The following XPNPEP1 variants were observed in gnomAD, a reference collection of about 807,000 sequenced individuals.
XPNPEP1 encodes xaa-Pro aminopeptidase 1.
In XPNPEP1, 39 loss-of-function variants were observed where a neutral mutation model predicts 92.4. The ratio of observed to expected loss-of-function variants is 0.42; its 90% CI spans 0.33 to 0.55. The LOEUF is 0.55. Among genes scored for constraint, XPNPEP1 ranks in the 20% least tolerant of loss-of-function variants. The probability of loss-of-function intolerance (pLI) is 0.08; values close to 1 mark genes in which losing one functional copy is unlikely to be tolerated. For synonymous variants in XPNPEP1, 307 were observed against 299.4 expected (o/e 1.03, Z -0.26); for missense variants, 654 against 856.1 (o/e 0.76, Z 2.95).
intron 5 of XPNPEP1, 110 bp from the exon 6 acceptor site, chr10:109,888,705 G>T: frequency 1.2e-6 from 1 of 826,092 alleles, no homozygotes; most frequent in Non-Finnish European, 1.8e-6. Context: ...TTATTAAGCA[G>T]CTTCTTTAAA....
At chr10:109,921,083 G>A (rs545381452) in intron 1 of XPNPEP1, among the ~76,000 whole-genome samples, 7 of 152,302 alleles carry the variant, frequency 4.6e-5, no homozygotes, top group Admixed American at 3.3e-4. Context: ...GGTCTCCGCA[G>A]AGTCCAAGAT....
chr10:109,871,767 C>G (rs1334318009), intron 17 of XPNPEP1, 25 bp downstream of exon 17: 1 of 1,602,922 alleles, frequency 6.2e-7, no homozygotes, highest in Non-Finnish European at 8.5e-7. Context: ...AAAGAGCCTG[C>G]CATGTGACAG....
chr10:109,885,682 G>A (rs936445999), intron 8 of XPNPEP1, among the ~76,000 whole-genome samples: 2 of 152,206 alleles, frequency 1.3e-5, no homozygotes, highest in Admixed American at 1.3e-4. Flanking sequence ...GAAACCAGAA[G>A]ACAGGACAGG....
intron 3 of XPNPEP1, among the ~76,000 whole-genome samples, chr10:109,899,665 A>G (rs190285073): frequency 3.9e-4 from 59 of 152,388 alleles, no homozygotes; most frequent in African/African-American, 1.4e-3. Context: ...AGGAGAATGG[A>G]GTAGGGTCCA....
intron 17 of XPNPEP1, 44 bp from the exon 18 acceptor site, chr10:109,870,948 T>TTA: frequency 3.2e-6 from 5 of 1,574,270 alleles, no homozygotes; most frequent in Non-Finnish European, 4.3e-6. Flanking sequence ...GTACAGCGCT[T>TTA]TAGAGATTAA....
chr10:109,865,509 T>C (rs1388979861), intron 20 of XPNPEP1, among the ~76,000 whole-genome samples, 197 bp from the exon 21 acceptor site: 2 of 152,228 alleles, frequency 1.3e-5, no homozygotes, highest in African/African-American at 4.8e-5. Flanking sequence ...CCAGACTTCA[T>C]GGCTTCTGGT....
intron 12 of XPNPEP1, 30 bp from the exon 13 acceptor site, chr10:109,878,088 G>C (rs1847884025): frequency 6.2e-7 from 1 of 1,613,080 alleles, no homozygotes; most frequent in Non-Finnish European, 8.5e-7. Flanking sequence ...AAATCATCTG[G>C]TGAGATAAAT....
chr10:109,907,118 T>C (rs1849597039), intron 3 of XPNPEP1, among the ~76,000 whole-genome samples: 1 of 152,242 alleles, frequency 6.6e-6, no homozygotes, highest in Non-Finnish European at 1.5e-5. Flanking sequence ...ACTGTACTTA[T>C]AGATGATTCT....
chr10:109,905,036 TAA>T (rs530733705), intron 3 of XPNPEP1, among the ~76,000 whole-genome samples: 3 of 145,140 alleles, frequency 2.1e-5, no homozygotes, highest in Non-Finnish European at 4.6e-5. Context: ...ATGAACAGGT[TAA>T]AAAAAAAAAG....
At chr10:109,921,664 T>C in intron 1 of XPNPEP1, among the ~76,000 whole-genome samples, 1 of 152,248 alleles carries the variant, frequency 6.6e-6, no homozygotes, top group East Asian at 1.9e-4. Flanking sequence ...GTTGTCTTTG[T>C]CTACCCAGAA....
intron 20 of XPNPEP1, among the ~76,000 whole-genome samples, chr10:109,866,125 T>C (rs932981253): frequency 2.0e-5 from 3 of 152,206 alleles, no homozygotes; most frequent in African/African-American, 7.2e-5. Flanking sequence ...TGGAAGCTGA[T>C]GAGACTGATA....
chr10:109,884,226 T>G, intron 8 of XPNPEP1, 78 bp from the exon 9 acceptor site: 1 of 1,405,982 alleles, frequency 7.1e-7, no homozygotes, highest in Non-Finnish European at 9.9e-7. Context: ...AGGGAAGAGC[T>G]TCAGCTTGGA....
intron 7 of XPNPEP1, among the ~76,000 whole-genome samples, chr10:109,887,489 A>C (rs1848456574): frequency 6.6e-6 from 1 of 151,966 alleles, no homozygotes. Flanking sequence ...CTACAGCAAG[A>C]CGCCCTCCCC....
At chr10:109,899,306 G>T (rs923039698) in intron 3 of XPNPEP1, among the ~76,000 whole-genome samples, 2 of 152,168 alleles carry the variant, frequency 1.3e-5, no homozygotes, top group Non-Finnish European at 2.9e-5. Context: ...GTGGGTGAGA[G>T]GTGATACCTG....
chr10:109,921,815 C>A (rs1850558252), intron 1 of XPNPEP1, among the ~76,000 whole-genome samples: 1 of 152,170 alleles, frequency 6.6e-6, no homozygotes. Context: ...CTCCCTCTGG[C>A]CATAATGATT....
chr10:109,893,022 ATCG>A lies in XPNPEP1; in HGVS notation c.297_299del (p.Asp100del). The A allele has an allele frequency of 6.2e-7, 1 of 1,613,762 alleles. No individual in the cohort carries two copies. Among genetic ancestry groups the A allele is most frequent in the Non-Finnish European group, 8.5e-7 (1 of 1,179,868 alleles). The stretch of plus-strand genomic sequence containing the variant: ...AAAGTAGTGACTCACCCGCAGAGCC[ATCG>A]AATCCAGAGACAAAAGCCCGCCGAC... On this transcript the variant is annotated inframe_deletion, in exon 4 of 21. Coordinates refer to ENST00000502935, the MANE Select transcript of XPNPEP1 (RefSeq NM_020383.4).
intron 1 of XPNPEP1, among the ~76,000 whole-genome samples, chr10:109,922,006 G>A (rs1250079750): frequency 6.6e-6 from 1 of 152,230 alleles, no homozygotes; most frequent in African/African-American, 2.4e-5. Flanking sequence ...TCAGAGCCAA[G>A]AGATGATAAA....
chr10:109,902,522 A>G (rs905175195), intron 3 of XPNPEP1, among the ~76,000 whole-genome samples: 1 of 152,236 alleles, frequency 6.6e-6, no homozygotes, highest in Non-Finnish European at 1.5e-5. Context: ...CATTTGCCCC[A>G]GACCTAGCCC....
At chr10:109,897,966 T>A (rs890602214) in intron 3 of XPNPEP1, among the ~76,000 whole-genome samples, 2 of 152,196 alleles carry the variant, frequency 1.3e-5, no homozygotes, top group African/African-American at 4.8e-5. Flanking sequence ...AGGTCTGACT[T>A]TCGAAAGCCC....
Sources: gnomAD v4.1 joint callset for allele counts (sites outside exome capture counted in the v4.1 genomes callset) on GRCh38, gnomAD v4.1.1 for gene constraint, MANE v1.5 for transcripts, NCBI Gene and HGNC (gene_info 2026-07-23, HGNC 2026-07-21) for gene names.